The following UGT1A7 variants were observed in gnomAD, a reference collection of about 807,000 sequenced individuals.
UGT1A7 encodes the protein UDP-glucuronosyltransferase 1A7.
A neutral mutation model predicts 45.6 loss-of-function variants in UGT1A7; 33 were observed. The observed-to-expected ratio is 0.72, with a 90% CI of 0.55 to 0.97. The LOEUF is 0.97. Among genes scored for constraint, UGT1A7 ranks in the 50% least tolerant of loss-of-function variants. UGT1A7 has a pLI of 0.00. For missense variants in UGT1A7, 684 were observed against 666.2 expected (o/e 1.03, Z -0.29); for synonymous variants, 274 against 250.6 (o/e 1.09, Z -0.88).
intron 1 of UGT1A7, among the ~76,000 whole-genome samples, chr2:233,752,887 C>T (rs1345633016): frequency 1.1e-4 from 17 of 152,134 alleles, no homozygotes; most frequent in Admixed American, 1.1e-3. Flanking sequence ...TAAAACTAGC[C>T]AGCGTTGTTA....
At chr2:233,706,326 T>C (rs559515349) in intron 1 of UGT1A7, among the ~76,000 whole-genome samples, 1 of 152,188 alleles carries the variant, frequency 6.6e-6, no homozygotes, top group Non-Finnish European at 1.5e-5. Flanking sequence ...TTGGAACTAT[T>C]CAAGCTGGTG....
chr2:233,687,125 T>A (rs1442765232), intron 1 of UGT1A7, among the ~76,000 whole-genome samples: 5 of 152,224 alleles, frequency 3.3e-5, no homozygotes, highest in African/African-American at 1.2e-4. Context: ...AAACTCAGCG[T>A]TATCTAGATT....
At chr2:233,684,663 G>A (rs1026440858) in intron 1 of UGT1A7, among the ~76,000 whole-genome samples, 19 of 151,932 alleles carry the variant, frequency 1.3e-4, no homozygotes, top group Non-Finnish European at 2.2e-4. Flanking sequence ...TGCCTTTAAG[G>A]AATATACATA....
intron 1 of UGT1A7, among the ~76,000 whole-genome samples, chr2:233,735,302 G>A (rs1400766071): frequency 6.6e-6 from 1 of 151,808 alleles, no homozygotes; most frequent in Non-Finnish European, 1.5e-5. Flanking sequence ...TTTTGTTAAA[G>A]TCTGTTTTAT....
chr2:233,732,433 A>G (rs1308918063), intron 1 of UGT1A7, among the ~76,000 whole-genome samples: 1 of 152,164 alleles, frequency 6.6e-6, no homozygotes, highest in African/African-American at 2.4e-5. Flanking sequence ...TAGGATTTTT[A>G]TGGTTTTAGG....
At chr2:233,720,329 A>G (rs2076851533) in intron 1 of UGT1A7, among the ~76,000 whole-genome samples, 1 of 152,074 alleles carries the variant, frequency 6.6e-6, no homozygotes, top group Admixed American at 6.5e-5. Flanking sequence ...GACATCGTAG[A>G]GTTTGGAAGG....
At chr2:233,757,538 A>G (rs1235606271) in intron 1 of UGT1A7, among the ~76,000 whole-genome samples, 2 of 109,774 alleles carry the variant, frequency 1.8e-5, no homozygotes, top group East Asian at 2.1e-4. Context: ...TGTAAGGAAT[A>G]TATATATATA....
intron 1 of UGT1A7, among the ~76,000 whole-genome samples, chr2:233,710,642 A>G (rs1302570147): frequency 6.6e-6 from 1 of 152,158 alleles, no homozygotes; most frequent in Non-Finnish European, 1.5e-5. Context: ...TTCTTTACAT[A>G]TTCTGGATAC....
chr2:233,687,352 G>A (rs923240584), intron 1 of UGT1A7, among the ~76,000 whole-genome samples: 4 of 152,036 alleles, frequency 2.6e-5, no homozygotes, highest in Non-Finnish European at 5.9e-5. Context: ...ACTTCAGATG[G>A]GTGGACTGTC....
In UGT1A7 at chr2:233,719,159, T is replaced by C. The variant is rs28898610; in HGVS notation, c.855+36367T>C. 5.1e-4 allele frequency: 822 copies of C among 1,614,244 alleles called. 5 individuals are homozygous for C. The African/African-American group carries it at 9.5e-3, about 19-fold the overall frequency. ...ATCTTCTGAAGAGATATTCTAGAAG[T>C]ATGGCAATTATGAACAATGTATCTT... On this transcript the variant is annotated intron_variant, in intron 1 of 4. Transcript: ENST00000373426.
At chr2:233,688,953 T>G (rs531606613) in intron 1 of UGT1A7, among the ~76,000 whole-genome samples, 139 of 152,230 alleles carry the variant, frequency 9.1e-4, no homozygotes, top group Non-Finnish European at 1.6e-3. Flanking sequence ...AAGCCAAATG[T>G]TTGGAATCAT....
rs760444509 is a variant in UGT1A7 at position 233,769,505 on chromosome 2, C to G, written c.1295+1066C>G. The G allele has an allele frequency of 8.7e-6, 14 of 1,612,652 alleles. No individual in the cohort carries two copies. In the Admixed American group the frequency reaches 2.3e-4, roughly 27 times the overall value. ...CGTGTGTTTATGAGAGTGTCCATTG[C>G]TTTCTCCCATGGTTACCTCCTTTAG... On this transcript the variant is annotated intron_variant, in intron 4 of 4. Transcript: ENST00000373426. This position sits in a 1 kb window ranked among gnomAD's most constrained non-coding sequence, Gnocchi z 4.4.
At chr2:233,692,704 C>A in intron 1 of UGT1A7, 3 of 432,616 alleles carry the variant, frequency 6.9e-6, no homozygotes, top group Non-Finnish European at 9.2e-6. Context: ...CTCTCCAAGT[C>A]ATCTTCAAAG....
chr2:233,751,910 A>G (rs1006806920), intron 1 of UGT1A7, among the ~76,000 whole-genome samples: 1 of 152,180 alleles, frequency 6.6e-6, no homozygotes, highest in African/African-American at 2.4e-5. Context: ...AGAACAGACT[A>G]ATACAAGATT....
intron 1 of UGT1A7, among the ~76,000 whole-genome samples, chr2:233,696,827 A>T (rs1388202495): frequency 6.6e-6 from 1 of 152,200 alleles, no homozygotes; most frequent in African/African-American, 2.4e-5. Context: ...GAGAGTGTGT[A>T]TCATAAAGGG....
At position 233,712,249 on chromosome 2, in the gene UGT1A7, T is replaced by C. The variant is rs1173166016; in HGVS notation, c.855+29457T>C. 2.0e-5 allele frequency among the ~76,000 whole-genome samples: 3 copies of C among 152,232 alleles called. No individual in the cohort carries two copies. The East Asian group carries it at 5.8e-4, about 29-fold the overall frequency. On this transcript the variant is annotated intron_variant, in intron 1 of 4. Coordinates refer to ENST00000373426, the MANE Select transcript of UGT1A7 (RefSeq NM_019077.3). ...CCACCATGGGTCTTTGCTAGGGTTGTCTTGCACATGTGTGCTTTAGACAGC... is the reference window on the plus strand; with the variant it reads ...CCACCATGGGTCTTTGCTAGGGTTGCCTTGCACATGTGTGCTTTAGACAGC...
chr2:233,718,994 G>A lies in UGT1A7; in HGVS notation c.855+36202G>A, dbSNP rs749212538. ...AGCTCCATGCCAGAGGCCACCAGGC[G>A]GTGGTCCTCACCCCAGAGGTGAATA... On this transcript the variant is annotated intron_variant, in intron 1 of 4. Coordinates refer to ENST00000373426, the MANE Select transcript of UGT1A7 (RefSeq NM_019077.3). 2.7e-4 allele frequency: 436 copies of A among 1,613,960 alleles called. 1 individual carries two copies. The highest frequency in any genetic ancestry group is 1.8e-3 in the Admixed American group (110 of 60,006).
chr2:233,724,319 G>A (rs1167591289), intron 1 of UGT1A7, among the ~76,000 whole-genome samples: 25 of 143,274 alleles, frequency 1.7e-4, no homozygotes, highest in African/African-American at 3.9e-4. Context: ...CGGACGGGGC[G>A]GCTGGCCAGG....
chr2:233,695,766 G>C (rs2125565233), intron 1 of UGT1A7, among the ~76,000 whole-genome samples: 1 of 152,106 alleles, frequency 6.6e-6, no homozygotes, highest in South Asian at 2.1e-4. Context: ...CCTTTTTTAT[G>C]GCTGAATAAT....
Sources: gnomAD v4.1 joint callset for allele counts (sites outside exome capture counted in the v4.1 genomes callset) on GRCh38, gnomAD v4.1.1 for gene constraint, Gnocchi (gnomAD v3.1) non-coding constraint, MANE v1.5 for transcripts, NCBI Gene and HGNC (gene_info 2026-07-23, HGNC 2026-07-21) for gene names.